CSMD1: variants seen among roughly 807,000 people sequenced by gnomAD.
CSMD1 encodes CUB and sushi domain-containing protein 1.
In CSMD1, 213 loss-of-function variants were observed where a neutral mutation model predicts 417.5. The observed-to-expected ratio is 0.51, with a 90% CI of 0.46 to 0.57. CSMD1 has a LOEUF of 0.57. CSMD1 is among the 20% of genes least tolerant of loss of function. The pLI is 0.00. For missense variants in CSMD1, 6,923 were observed against 4,529.7 expected, an observed-to-expected ratio of 1.53 and a Z score of -15.17; for synonymous variants, 2,862 against 1,736.8, an observed-to-expected ratio of 1.65 and a Z score of -16.11.
At chr8:4,860,087 A>C (rs1381752569) in intron 1 of CSMD1, among the ~76,000 whole-genome samples, 2 of 152,064 alleles carry the variant, frequency 1.3e-5, no homozygotes, top group Non-Finnish European at 2.9e-5. Context: ...GCCATAAAAA[A>C]ATGATGAGTT....
At chr8:4,992,740 C>G (rs1405420207) in intron 1 of CSMD1, among the ~76,000 whole-genome samples, 1 of 152,244 alleles carries the variant, frequency 6.6e-6, no homozygotes, top group African/African-American at 2.4e-5. Flanking sequence ...GCCTCCGCAG[C>G]CGGCAATGTC....
chr8:3,829,200 C>A (rs1392823283), intron 5 of CSMD1, among the ~76,000 whole-genome samples: 3 of 152,116 alleles, frequency 2.0e-5, no homozygotes, highest in Non-Finnish European at 4.4e-5. Context: ...TCCCCCAAGT[C>A]CTCAAAGTCC....
intron 2 of CSMD1, among the ~76,000 whole-genome samples, chr8:4,568,707 C>G (rs1281888840): frequency 6.6e-6 from 1 of 152,166 alleles, no homozygotes; most frequent in Non-Finnish European, 1.5e-5. Flanking sequence ...CTGTCTTCCA[C>G]AATGGTTGAA....
chr8:4,191,736 G>C (rs1020852794), intron 3 of CSMD1, among the ~76,000 whole-genome samples: 1 of 106,704 alleles, frequency 9.4e-6, no homozygotes, highest in Non-Finnish European at 1.9e-5. Flanking sequence ...AAAAAGGGAA[G>C]GTCATTCCAA....
At chr8:4,887,906 A>G (rs999241269) in intron 1 of CSMD1, among the ~76,000 whole-genome samples, 2 of 152,110 alleles carry the variant, frequency 1.3e-5, no homozygotes, top group African/African-American at 4.8e-5. Flanking sequence ...TTTTACTTGA[A>G]CATACACGTA....
chr8:3,756,515 C>A (rs1274075230), intron 5 of CSMD1, among the ~76,000 whole-genome samples: 3 of 152,170 alleles, frequency 2.0e-5, no homozygotes, highest in Admixed American at 6.5e-5. Flanking sequence ...GCAAGCCTAC[C>A]TTTTCCACAT....
chr8:4,788,589 A>C (rs1250540273), intron 1 of CSMD1: 15 of 1,198,230 alleles, frequency 1.3e-5, no homozygotes, highest in Non-Finnish European at 1.6e-5. Flanking sequence ...AATTTATAAG[A>C]AACAATGCCA....
At chr8:3,559,480 T>G (rs1354232534) in intron 10 of CSMD1, among the ~76,000 whole-genome samples, 1 of 151,686 alleles carries the variant, frequency 6.6e-6, no homozygotes, top group Non-Finnish European at 1.5e-5. Context: ...TCATCTAAAA[T>G]TTAAAGGCAC....
chr8:3,086,217 A>T (rs1039047015), intron 49 of CSMD1, among the ~76,000 whole-genome samples: 2 of 152,216 alleles, frequency 1.3e-5, no homozygotes, highest in African/African-American at 4.8e-5. Context: ...CATTCTAATC[A>T]TTCCTAATGA....
At chr8:4,001,432 G>T (rs1165026776) in intron 4 of CSMD1, among the ~76,000 whole-genome samples, 1 of 152,136 alleles carries the variant, frequency 6.6e-6, no homozygotes. Context: ...TAGGGCTCCG[G>T]GTAGTGGATA....
chr8:4,139,291 G>T (rs1356655), intron 3 of CSMD1, among the ~76,000 whole-genome samples: 3 of 152,046 alleles, frequency 2.0e-5, no homozygotes, highest in African/African-American at 7.2e-5. Context: ...GGCACCCTGT[G>T]TCTTACAGCT....
chr8:4,430,000 C>T (rs1053884689), intron 2 of CSMD1, among the ~76,000 whole-genome samples: 1 of 152,140 alleles, frequency 6.6e-6, no homozygotes, highest in Non-Finnish European at 1.5e-5. Context: ...ATGAGGTCTC[C>T]TTAAGTGCCT....
intron 1 of CSMD1, among the ~76,000 whole-genome samples, chr8:4,646,793 T>A (rs1175565211): frequency 6.6e-6 from 1 of 152,318 alleles, no homozygotes; most frequent in East Asian, 1.9e-4. Context: ...TTGAAGCTAA[T>A]ACAAGCTCTC....
At chr8:4,416,725 C>T (rs1457014543) in intron 3 of CSMD1, among the ~76,000 whole-genome samples, 5 of 152,048 alleles carry the variant, frequency 3.3e-5, no homozygotes, top group African/African-American at 1.2e-4. Context: ...TCAATGTCCT[C>T]AAGTCTAATA....
intron 7 of CSMD1, among the ~76,000 whole-genome samples, chr8:3,660,084 G>T (rs1436180152): frequency 3.3e-5 from 5 of 152,156 alleles, no homozygotes; most frequent in Admixed American, 2.0e-4. Context: ...TAGAAATAAG[G>T]TACCATCGTG....
At chr8:3,342,210 T>C (rs1489429191) in intron 23 of CSMD1, among the ~76,000 whole-genome samples, 1 of 152,190 alleles carries the variant, frequency 6.6e-6, no homozygotes, top group East Asian at 1.9e-4. Flanking sequence ...GTCTTACAAT[T>C]CTTCACCTGT....
chr8:3,347,890 T>C (rs1808116901), intron 22 of CSMD1, 102 bp downstream of exon 22: 1 of 663,800 alleles, frequency 1.5e-6, no homozygotes, highest in South Asian at 3.1e-5. Context: ...TATAAAAATA[T>C]ATGTTAATAT....
At chr8:4,425,099 A>C (rs917209771) in intron 2 of CSMD1, among the ~76,000 whole-genome samples, 16 of 152,198 alleles carry the variant, frequency 1.1e-4, no homozygotes, top group Admixed American at 3.3e-4. Flanking sequence ...TATTCGCCTA[A>C]GTTAGGTACA....
intron 34 of CSMD1, 93 bp downstream of exon 34, chr8:3,189,819 A>T: frequency 8.4e-7 from 1 of 1,196,984 alleles, no homozygotes; most frequent in Admixed American, 2.2e-5. Flanking sequence ...CATGAGCCAG[A>T]TGGATTTACG....
Sources: allele counts gnomAD v4.1 joint callset (sites outside exome capture counted in the v4.1 genomes callset), GRCh38; gene constraint gnomAD v4.1.1; transcripts MANE v1.5; gene names NCBI Gene and HGNC (gene_info 2026-07-23, HGNC 2026-07-21).